Variants in AOPEP observed in about 807,000 individuals in gnomAD.
AOPEP encodes the protein aminopeptidase O.
AOPEP carries 77 observed loss-of-function variants against 98.1 expected under a neutral mutation model. The observed-to-expected ratio is 0.78, with a 90% CI of 0.65 to 0.95. AOPEP has a LOEUF of 0.95. AOPEP is among the 40% of genes least tolerant of loss of function. The pLI is 0.00. For synonymous variants in AOPEP, 346 were observed against 365.3 expected (o/e 0.95, Z 0.60); for missense variants, 1,024 against 1,024.7 (o/e 1.00, Z 0.01).
chr9:95,089,906 G>A (rs954161542), downstream of AOPEP, among the ~76,000 whole-genome samples: 3 of 152,250 alleles, frequency 2.0e-5, no homozygotes, highest in African/African-American at 7.2e-5. Flanking sequence ...CAACAAGCCA[G>A]CGCCTCCACT....
chr9:94,862,873 G>C (rs1454109301), intron 5 of AOPEP, among the ~76,000 whole-genome samples: 1 of 152,178 alleles, frequency 6.6e-6, no homozygotes, highest in African/African-American at 2.4e-5. Context: ...TTCTCTCATA[G>C]TGTTAGGCTT....
intron 5 of AOPEP, among the ~76,000 whole-genome samples, chr9:94,884,144 G>C (rs528764334): frequency 1.9e-4 from 29 of 152,282 alleles, no homozygotes; most frequent in Non-Finnish European, 3.7e-4. Flanking sequence ...CCAATCCGAA[G>C]CCTTTGCCCT....
chr9:95,093,130 T>C, the AOPEP span, among the ~76,000 whole-genome samples: 2 of 151,944 alleles, frequency 1.3e-5, no homozygotes, highest in Non-Finnish European at 2.9e-5. Context: ...TTGATGATTG[T>C]ATCTGCTTTA....
intron 16 of AOPEP, chr9:95,086,290 C>T: frequency 1.0e-6 from 1 of 985,442 alleles, no homozygotes; most frequent in Non-Finnish European, 1.2e-6. Flanking sequence ...AAGTTAAGAG[C>T]TCCCAGGCCT....
intron 5 of AOPEP, among the ~76,000 whole-genome samples, chr9:94,858,682 G>C (rs191231669): frequency 3.9e-5 from 6 of 152,158 alleles, no homozygotes; most frequent in Non-Finnish European, 5.9e-5. Flanking sequence ...GGATTAGGAG[G>C]TGGGGCCTTT....
chr9:94,912,678 C>T (rs552465265), intron 5 of AOPEP, among the ~76,000 whole-genome samples: 7 of 152,220 alleles, frequency 4.6e-5, no homozygotes, highest in Non-Finnish European at 7.3e-5. Context: ...GTAGGAATCT[C>T]GGCTATGGGC....
chr9:94,732,540 G>A (rs1287006316), intron 1 of AOPEP, among the ~76,000 whole-genome samples: 3 of 152,094 alleles, frequency 2.0e-5, no homozygotes, highest in Non-Finnish European at 4.4e-5. Flanking sequence ...TCCTATGATA[G>A]GCAGTAAATT....
rs140015415 is a variant in AOPEP, at chr9:94,966,483, C to A, written c.1873-1275C>A. 1.7e-3 allele frequency among the ~76,000 whole-genome samples: 260 copies of A among 152,300 alleles called. 1 individual carries two copies. The highest frequency in any genetic ancestry group is 5.6e-3 in the African/African-American group (233 of 41,576). On this transcript the variant is annotated intron_variant, in intron 9 of 16. Transcript: ENST00000375315. Reference sequence around the variant, plus strand: ...GTGACTCTTGTCTGTCATGTTTGGGCAGACCCATTTTAAAAGATTATTTTC... The same window carrying A: ...GTGACTCTTGTCTGTCATGTTTGGGAAGACCCATTTTAAAAGATTATTTTC...
chr9:95,003,168 G>A (rs965957327), intron 11 of AOPEP, among the ~76,000 whole-genome samples: 16 of 140,542 alleles, frequency 1.1e-4, no homozygotes, highest in East Asian at 9.6e-4. Context: ...GTGTGTGTGC[G>A]CGCGCGCGCG....
rs1255517311 is a variant in AOPEP at position 95,004,265 on chromosome 9, G to A, written c.1978-893G>A. On this transcript the variant is annotated intron_variant, in intron 11 of 16. Coordinates refer to ENST00000375315, the MANE Select transcript of AOPEP (RefSeq NM_001193329.3). ...CTTTGGCGGGTGGAGGAAAATCTTG[G>A]GGTATCGCACATTTTTATAAAGTAA... The A allele has an allele frequency of 6.6e-6, 3 of 456,650 alleles. No individual in the cohort carries two copies. In the Admixed American group the frequency reaches 7.0e-5, roughly 11 times the overall value. The allele number at this position is 456,650 out of a possible 1,614,324, so 28.3% of individuals were successfully genotyped here. A position where few individuals can be genotyped will look rare whatever the true frequency, so the allele number is the denominator to read the frequency against.
downstream of AOPEP, among the ~76,000 whole-genome samples, chr9:95,092,056 C>CTGTGTG (rs112458654): frequency 1.5e-4 from 23 of 149,322 alleles, no homozygotes; most frequent in African/African-American, 5.1e-4. Flanking sequence ...CTGTTGAAGG[C>CTGTGTG]TGTGTGTGTG....
At chr9:94,838,261 G>A (rs868243288) in intron 5 of AOPEP, among the ~76,000 whole-genome samples, 7 of 152,088 alleles carry the variant, frequency 4.6e-5, no homozygotes, top group Middle Eastern at 3.2e-3. Context: ...TGCCTGCCTC[G>A]GCCTCCCAAA....
chr9:94,998,289 G>A (rs1037013730), intron 11 of AOPEP, among the ~76,000 whole-genome samples: 2 of 151,528 alleles, frequency 1.3e-5, no homozygotes, highest in African/African-American at 2.4e-5. Context: ...GGGGCCAAGC[G>A]ATATGAAATC....
At chr9:94,940,035 A>G (rs900331876) in intron 7 of AOPEP, among the ~76,000 whole-genome samples, 2 of 152,254 alleles carry the variant, frequency 1.3e-5, no homozygotes, top group African/African-American at 4.8e-5. Flanking sequence ...TAGATATTCC[A>G]AAATCCAAAA....
the AOPEP span, among the ~76,000 whole-genome samples, chr9:95,095,518 T>A: frequency 1.1e-3 from 170 of 152,304 alleles, 1 homozygote; most frequent in Middle Eastern, 3.4e-3. Flanking sequence ...TGCAAATACT[T>A]CTTCTTCCCT....
the AOPEP span, among the ~76,000 whole-genome samples, chr9:95,149,611 T>TGGGATTA: frequency 6.6e-6 from 1 of 151,976 alleles, no homozygotes; most frequent in Non-Finnish European, 1.5e-5. Flanking sequence ...CCCTAGTAGC[T>TGGGATTA]GGGATTAGAG....
At chr9:94,981,284 A>G (rs1467086476) in intron 11 of AOPEP, among the ~76,000 whole-genome samples, 2 of 152,164 alleles carry the variant, frequency 1.3e-5, no homozygotes, top group South Asian at 4.1e-4. Context: ...TCTGAGCTAT[A>G]CATTTTTTCC....
At chr9:94,988,384 G>A (rs1318927195) in intron 11 of AOPEP, among the ~76,000 whole-genome samples, 1 of 152,178 alleles carries the variant, frequency 6.6e-6, no homozygotes, top group Non-Finnish European at 1.5e-5. Context: ...AGTGAGCACA[G>A]AGGAAGGCAT....
intron 13 of AOPEP, among the ~76,000 whole-genome samples, chr9:95,049,687 C>G (rs1158012050): frequency 6.6e-6 from 1 of 152,106 alleles, no homozygotes; most frequent in Non-Finnish European, 1.5e-5. Context: ...AAAACTTAAC[C>G]ATTTTTGCGA....
Sources: allele counts gnomAD v4.1 joint callset (sites outside exome capture counted in the v4.1 genomes callset), GRCh38; gene constraint gnomAD v4.1.1; transcripts MANE v1.5; gene names NCBI Gene and HGNC (gene_info 2026-07-23, HGNC 2026-07-21).